Variants in BBS2 observed in about 807,000 individuals in gnomAD.
BBS2 encodes the protein BBSome complex member BBS2.
Under a neutral mutation model 83.0 loss-of-function variants are expected in BBS2, and 62 were observed. The ratio of observed to expected loss-of-function variants is 0.75; its 90% CI spans 0.61 to 0.92. The LOEUF is 0.92. Among genes scored for constraint, BBS2 ranks in the 40% least tolerant of loss-of-function variants. BBS2 has a pLI of 0.00. For synonymous variants in BBS2, 303 were observed against 326.1 expected (o/e 0.93, Z 0.76); for missense variants, 784 against 901.0 (o/e 0.87, Z 1.66).
In BBS2 at chr16:56,519,893, A is replaced by C. The variant is rs1422215892; in HGVS notation, c.-31T>G. The C allele has an allele frequency of 1.3e-6, 2 of 1,573,096 alleles. No individual in the cohort carries two copies. Among genetic ancestry groups the C allele is most frequent in the African/African-American group, 1.4e-5 (1 of 74,038 alleles). ...CGGCGGCTTAGGGGAGGAGGGCTGGAAGCTGGAGACAAGCGCAGCGGAGCT... is the reference window on the plus strand; with the variant it reads ...CGGCGGCTTAGGGGAGGAGGGCTGGCAGCTGGAGACAAGCGCAGCGGAGCT... On this transcript the variant is annotated 5_prime_UTR_variant, in exon 1 of 17. Transcript: ENST00000245157.
intron 14 of BBS2, 80 bp from the exon 15 acceptor site, chr16:56,497,159 C>G: frequency 1.1e-6 from 1 of 926,468 alleles, no homozygotes; most frequent in Non-Finnish European, 1.8e-6. Context: ...CACTATTTAC[C>G]AGATACAGAG....
intron 15 of BBS2, among the ~76,000 whole-genome samples, chr16:56,490,855 G>A (rs985310886): frequency 3.3e-5 from 5 of 151,170 alleles, no homozygotes; most frequent in East Asian, 4.0e-4. Context: ...TCCGCCTCCC[G>A]GGTTCACACC....
intron 11 of BBS2, 62 bp downstream of exon 11, chr16:56,500,792 T>G: frequency 1.3e-6 from 2 of 1,570,592 alleles, no homozygotes; most frequent in East Asian, 4.5e-5. Context: ...TATGGAAAAT[T>G]TATACATCTT....
chr16:56,479,123 ATTC>A (rs1192582824), intron 17 of BBS2: 1 of 152,150 alleles, frequency 6.6e-6, no homozygotes, highest in Non-Finnish European at 1.5e-5. Flanking sequence ...TTCTCTCTTT[ATTC>A]TTAATAGTGA....
chr16:56,510,006 A>G lies in BBS2; in HGVS notation c.563T>C (p.Ile188Thr). ...ELLVGSEDFD[I>T]RVFKEDEIVA... ...AATCTCATCTTCCTTAAAAACTCGG[A>G]TATCAAAATCCTCAGATCCAACAAG... The change falls in exon 5 of 17, where the codon ATC becomes ACC. Residue 188 changes from isoleucine to threonine, a missense_variant. Coordinates refer to ENST00000245157, the MANE Select transcript of BBS2 (RefSeq NM_031885.5). 6.2e-7 allele frequency: 1 copy of G among 1,614,120 alleles called. No individual in the cohort carries two copies. Among genetic ancestry groups the G allele is most frequent in the South Asian group, 1.1e-5 (1 of 91,078 alleles).
intron 1 of BBS2, 72 bp downstream of exon 1, chr16:56,519,674 T>C (rs970421457): frequency 2.4e-5 from 31 of 1,292,100 alleles, no homozygotes; most frequent in Non-Finnish European, 3.3e-5. Context: ...GGGGACGGGA[T>C]CCCAGGGGCG....
At chr16:56,491,269 A>G (rs1963943852) in intron 15 of BBS2, among the ~76,000 whole-genome samples, 1 of 152,176 alleles carries the variant, frequency 6.6e-6, no homozygotes, top group Admixed American at 6.5e-5. Context: ...TGTTTGGGTC[A>G]TGGGGGCAGA....
chr16:56,480,960 C>G (rs1963652292), downstream of BBS2, among the ~76,000 whole-genome samples: 1 of 152,048 alleles, frequency 6.6e-6, no homozygotes, highest in Non-Finnish European at 1.5e-5. Flanking sequence ...GACTTCAGAG[C>G]TAGAGCATAG....
chr16:56,518,661 T>C (rs1303566697), intron 1 of BBS2, among the ~76,000 whole-genome samples: 2 of 152,240 alleles, frequency 1.3e-5, no homozygotes, highest in East Asian at 3.8e-4. Flanking sequence ...GTAATAAAGT[T>C]TTGTGCCTGT....
At chr16:56,509,893 T>C in intron 5 of BBS2, 64 bp downstream of exon 5, 1 of 1,555,802 alleles carries the variant, frequency 6.4e-7, no homozygotes, top group Non-Finnish European at 8.9e-7. Flanking sequence ...TCACTTGATG[T>C]TTCATCTGAC....
At chr16:56,473,168 G>A (rs1230445262) in intron 17 of BBS2, among the ~76,000 whole-genome samples, 1 of 152,128 alleles carries the variant, frequency 6.6e-6, no homozygotes, top group African/African-American at 2.4e-5. Flanking sequence ...TTGACCTCAT[G>A]ATCCGCCCAC....
intron 15 of BBS2, among the ~76,000 whole-genome samples, chr16:56,490,001 C>T (rs1164958364): frequency 6.9e-6 from 1 of 144,748 alleles, no homozygotes; most frequent in Non-Finnish European, 1.5e-5. Context: ...CCTGTAGTCC[C>T]AGCTACTCCA....
intron 1 of BBS2, among the ~76,000 whole-genome samples, chr16:56,519,031 C>T (rs1964835286): frequency 6.6e-6 from 1 of 151,918 alleles, no homozygotes; most frequent in South Asian, 2.1e-4. Context: ...TGTCGTTGTT[C>T]GGTAAAGGAC....
chr16:56,504,204 G>A (rs1450246397), intron 7 of BBS2, among the ~76,000 whole-genome samples: 3 of 152,124 alleles, frequency 2.0e-5, no homozygotes, highest in African/African-American at 2.4e-5. Flanking sequence ...GTGAAAGAAC[G>A]AATGACCTGC....
chr16:56,486,511 A>G (rs1253641100), intron 15 of BBS2, among the ~76,000 whole-genome samples: 1 of 152,250 alleles, frequency 6.6e-6, no homozygotes, highest in African/African-American at 2.4e-5. Flanking sequence ...AATACTATTC[A>G]GCAATAAAAA....
intron 17 of BBS2, among the ~76,000 whole-genome samples, chr16:56,475,820 T>C (rs182263876): frequency 6.6e-6 from 1 of 152,306 alleles, no homozygotes; most frequent in Admixed American, 6.5e-5. Context: ...TCTTACAATG[T>C]AGTAAGAAAT....
chr16:56,475,541 C>T lies in BBS2; in HGVS notation c.*1-4846G>A, dbSNP rs1159269281. On this transcript the variant is annotated intron_variant, in intron 17 of 17. Transcript: ENST00000682047. ...CAGAATATGGCGGTTTTACTTCTTACATTGCCAAAGGTGAAGATGAAGAGG... is the reference window on the plus strand; with the variant it reads ...CAGAATATGGCGGTTTTACTTCTTATATTGCCAAAGGTGAAGATGAAGAGG... 1.9e-6 allele frequency: 3 copies of T among 1,613,974 alleles called. No individual in the cohort carries two copies. In the Admixed American group the frequency reaches 5.0e-5, roughly 27 times the overall value.
intron 1 of BBS2, among the ~76,000 whole-genome samples, chr16:56,518,499 CT>C (rs1191024779): frequency 3.3e-5 from 5 of 152,176 alleles, no homozygotes; most frequent in Non-Finnish European, 7.3e-5. Flanking sequence ...CATGTATTAA[CT>C]TTTTTAAAGC....
downstream of BBS2, among the ~76,000 whole-genome samples, chr16:56,481,227 G>A (rs549255591): frequency 9.9e-5 from 15 of 152,124 alleles, no homozygotes; most frequent in South Asian, 3.1e-3. Context: ...TTCTGAAGCT[G>A]CTGACAGGCG....
Sources: gnomAD v4.1 joint callset for allele counts (sites outside exome capture counted in the v4.1 genomes callset) on GRCh38, gnomAD v4.1.1 for gene constraint, MANE v1.5 for transcripts, NCBI Gene and HGNC (gene_info 2026-07-23, HGNC 2026-07-21) for gene names.